The following CSMD1 variants were observed in gnomAD, a reference collection of about 807,000 sequenced individuals.
The protein encoded by CSMD1 is CUB and sushi domain-containing protein 1.
Under a neutral mutation model 417.5 loss-of-function variants are expected in CSMD1, and 213 were observed. The observed-to-expected ratio is 0.51, with a 90% CI of 0.46 to 0.57. The LOEUF is 0.57. CSMD1 is among the 20% of genes least tolerant of loss of function. CSMD1 has a pLI of 0.00. For synonymous variants in CSMD1, 2,862 were observed against 1,736.8 expected (o/e 1.65, Z -16.11); for missense variants, 6,923 against 4,529.7 (o/e 1.53, Z -15.17).
chr8:4,206,548 G>T (rs1050123433), intron 3 of CSMD1, among the ~76,000 whole-genome samples: 3 of 152,134 alleles, frequency 2.0e-5, no homozygotes, highest in African/African-American at 7.2e-5. Context: ...GTATTCCATG[G>T]TGTATATGTG....
At chr8:3,739,245 T>C (rs989709802) in intron 6 of CSMD1, among the ~76,000 whole-genome samples, 3 of 152,218 alleles carry the variant, frequency 2.0e-5, no homozygotes, top group Non-Finnish European at 4.4e-5. Flanking sequence ...CATTCTGTTC[T>C]CATCCTTTGA....
intron 3 of CSMD1, among the ~76,000 whole-genome samples, chr8:4,099,692 A>T (rs1275508737): frequency 6.6e-6 from 1 of 152,042 alleles, no homozygotes; most frequent in Non-Finnish European, 1.5e-5. Context: ...AAACAAACAA[A>T]ACCTCTTCTT....
At chr8:4,874,351 G>C (rs1802914683) in intron 1 of CSMD1, among the ~76,000 whole-genome samples, 1 of 149,906 alleles carries the variant, frequency 6.7e-6, no homozygotes. Flanking sequence ...TAAATGAAAA[G>C]AAAGGGATGG....
chr8:2,939,947 G>A (rs1007362070), intron 69 of CSMD1, among the ~76,000 whole-genome samples: 3 of 152,122 alleles, frequency 2.0e-5, no homozygotes, highest in African/African-American at 7.2e-5. Flanking sequence ...CAATCCCAGA[G>A]TGGAACTGGC....
chr8:3,931,992 T>C (rs1173729143), intron 5 of CSMD1, among the ~76,000 whole-genome samples: 1 of 149,826 alleles, frequency 6.7e-6, no homozygotes, highest in Non-Finnish European at 1.5e-5. Flanking sequence ...GATTTAGATG[T>C]AGAAATGGGG....
chr8:3,768,377 C>A (rs2623644), intron 5 of CSMD1, among the ~76,000 whole-genome samples: 6 of 151,996 alleles, frequency 3.9e-5, no homozygotes, highest in Non-Finnish European at 7.4e-5. Context: ...AAACACCCAG[C>A]CTTTAAGGAG....
intron 2 of CSMD1, among the ~76,000 whole-genome samples, chr8:4,470,146 A>C (rs763189814): frequency 2.6e-5 from 4 of 152,068 alleles, no homozygotes; most frequent in Non-Finnish European, 4.4e-5. Context: ...CTGGGATTAC[A>C]GGTGGCCTTT....
intron 3 of CSMD1, among the ~76,000 whole-genome samples, chr8:4,138,049 T>G (rs1803541345): frequency 2.1e-3 from 2 of 954 alleles, no homozygotes; most frequent in Non-Finnish European, 0.014. Context: ...GGCTAATTTT[T>G]TTTTTTTTTT....
intron 1 of CSMD1, among the ~76,000 whole-genome samples, chr8:4,750,327 C>G (rs534736268): frequency 6.2e-4 from 95 of 152,220 alleles, no homozygotes; most frequent in African/African-American, 2.2e-3. Flanking sequence ...TTTTACTCAC[C>G]TCTCTAGAAA....
At chr8:4,113,748 C>A (rs1221549563) in intron 3 of CSMD1, among the ~76,000 whole-genome samples, 3 of 152,128 alleles carry the variant, frequency 2.0e-5, no homozygotes, top group African/African-American at 4.8e-5. Context: ...AATGAAACAG[C>A]CTTATTGGTG....
intron 2 of CSMD1, among the ~76,000 whole-genome samples, chr8:4,429,336 A>G (rs560222260): frequency 2.0e-5 from 3 of 152,180 alleles, no homozygotes; most frequent in Non-Finnish European, 4.4e-5. Flanking sequence ...ACATGTGTAT[A>G]TGTGTGTATA....
chr8:3,377,302 A>G (rs913070187), intron 18 of CSMD1, among the ~76,000 whole-genome samples: 3 of 152,148 alleles, frequency 2.0e-5, no homozygotes, highest in African/African-American at 7.2e-5. Flanking sequence ...ATGAGCCACC[A>G]TGCCTGGCTT....
intron 3 of CSMD1, among the ~76,000 whole-genome samples, chr8:4,368,620 G>A (rs1022135729): frequency 6.6e-6 from 1 of 152,010 alleles, no homozygotes; most frequent in Non-Finnish European, 1.5e-5. Flanking sequence ...TGGTTGGTAG[G>A]CTTTTTATTA....
intron 2 of CSMD1, among the ~76,000 whole-genome samples, chr8:4,634,969 C>A (rs764898916): frequency 6.6e-6 from 1 of 152,142 alleles, no homozygotes; most frequent in African/African-American, 2.4e-5. Flanking sequence ...ACTCCTCGAA[C>A]GTCTCCTCAA....
intron 2 of CSMD1, among the ~76,000 whole-genome samples, chr8:4,584,449 G>A (rs2725029): frequency 0.33 from 49,534 of 151,772 alleles, 8,236 homozygotes; most frequent in African/African-American, 0.37. Flanking sequence ...AGTTAAAAGC[G>A]ACTAGCGTGG....
Position 4,043,191 on chromosome 8 carries a change from G to A in CSMD1, c.416-11092C>T, listed in dbSNP as rs555817034. Among the ~76,000 whole-genome samples the A allele has an allele frequency of 2.9e-4, 44 of 152,246 alleles. No homozygotes were observed. In the South Asian group the frequency reaches 5.0e-3, roughly 17 times the overall value. ...TATAACATCACAGTAGATTATGGTA[G>A]ACTGCTATAAAGTCTAAAGTCACCA... On this transcript the variant is annotated intron_variant, in intron 3 of 69. Coordinates refer to ENST00000635120, the MANE Select transcript of CSMD1 (RefSeq NM_033225.6).
intron 3 of CSMD1, among the ~76,000 whole-genome samples, chr8:4,394,849 C>G (rs942788506): frequency 2.6e-5 from 4 of 152,110 alleles, no homozygotes; most frequent in Non-Finnish European, 5.9e-5. Flanking sequence ...TTGTGCTTCT[C>G]TGGGCTAGAG....
chr8:4,864,647 A>T (rs1802320023), intron 1 of CSMD1, among the ~76,000 whole-genome samples: 3 of 151,744 alleles, frequency 2.0e-5, no homozygotes, highest in Admixed American at 1.3e-4. Flanking sequence ...CAATGAATAC[A>T]CACAAGCAGA....
At chr8:3,325,160 T>G (rs978372288) in intron 23 of CSMD1, among the ~76,000 whole-genome samples, 2 of 152,346 alleles carry the variant, frequency 1.3e-5, no homozygotes, top group Non-Finnish European at 2.9e-5. Context: ...CAGCATGACC[T>G]GTGACCCCTT....
Sources: allele counts gnomAD v4.1 joint callset (sites outside exome capture counted in the v4.1 genomes callset), GRCh38; gene constraint gnomAD v4.1.1; transcripts MANE v1.5; gene names NCBI Gene and HGNC (gene_info 2026-07-23, HGNC 2026-07-21).